Variants in WDR19 observed in about 807,000 individuals in gnomAD.
The protein encoded by WDR19 is WD repeat-containing protein 19.
In WDR19, 121 loss-of-function variants were observed where a neutral mutation model predicts 180.0. That is an observed-to-expected ratio of 0.67 (90% confidence interval 0.58 to 0.78). WDR19 has a LOEUF of 0.78. Ranked by LOEUF, WDR19 falls within the 30% of genes least tolerant of loss-of-function variation. The probability of loss-of-function intolerance (pLI) is 0.00; values close to 1 mark genes in which losing one functional copy is unlikely to be tolerated. For missense variants in WDR19, 1,450 were observed against 1,640.7 expected (o/e 0.88, Z 2.01); for synonymous variants, 497 against 540.7 (o/e 0.92, Z 1.12).
intron 28 of WDR19, 137 bp downstream of exon 28, chr4:39,257,691 G>A: frequency 1.4e-6 from 1 of 735,278 alleles, no homozygotes; most frequent in Non-Finnish European, 2.2e-6. Context: ...TTCAACAGCT[G>A]TCAATACATA....
chr4:39,210,557 C>A (rs1728388352), intron 9 of WDR19, among the ~76,000 whole-genome samples: 1 of 151,764 alleles, frequency 6.6e-6, no homozygotes, highest in African/African-American at 2.4e-5. Context: ...TGCCTGTATT[C>A]CTAGCTACTC....
chr4:39,228,389 C>A, intron 16 of WDR19, 32 bp downstream of exon 16: 1 of 1,602,396 alleles, frequency 6.2e-7, no homozygotes, highest in South Asian at 1.1e-5. Context: ...TATTCGCTGA[C>A]AGATGAATTT....
chr4:39,255,386 G>T (rs1264443879), intron 26 of WDR19, among the ~76,000 whole-genome samples: 1 of 152,032 alleles, frequency 6.6e-6, no homozygotes. Context: ...AACTCCCACG[G>T]GTAAATGTAA....
In WDR19 at chr4:39,278,527, T is replaced by C. The variant is rs1736139062; in HGVS notation, c.3918-12T>C. The C allele has an allele frequency of 6.3e-7, 1 of 1,591,806 alleles. No individual in the cohort carries two copies. The highest frequency in any genetic ancestry group is 8.6e-7 in the Non-Finnish European group (1 of 1,166,360). The stretch of plus-strand genomic sequence containing the variant: ...ATATTTAATTTACTCTGCCTTTCCC[T>C]CCCCTAAACAGCATGCTAAACACTG... On this transcript the variant is annotated splice_polypyrimidine_tract_variant and intron_variant, in intron 35 of 36. Transcript: ENST00000399820.
At chr4:39,200,454 A>G (rs1057188499) in intron 6 of WDR19, among the ~76,000 whole-genome samples, 1 of 152,214 alleles carries the variant, frequency 6.6e-6, no homozygotes, top group Non-Finnish European at 1.5e-5. Context: ...TGAAGGCTCA[A>G]TAGGGAGAAA....
intron 19 of WDR19, 75 bp downstream of exon 19, chr4:39,232,347 G>A (rs915225690): frequency 2.5e-5 from 31 of 1,257,574 alleles, no homozygotes; most frequent in African/African-American, 1.5e-4. Flanking sequence ...AAATGGGGCC[G>A]GGTGCAGCCG....
rs1199361196 is a variant in WDR19 at position 39,252,671 on chromosome 4, A to G, written c.2730-475A>G. 5.9e-5 allele frequency among the ~76,000 whole-genome samples: 9 copies of G among 152,232 alleles called. No homozygotes were observed. The South Asian group carries it at 1.7e-3, about 28-fold the overall frequency. On this transcript the variant is annotated intron_variant, in intron 24 of 36. Transcript: ENST00000399820. The stretch of plus-strand genomic sequence containing the variant: ...GTAACCTTAGGAAATAGAGATATAC[A>G]CTGAATGTCTTGTTGAAATGGAGCT...
At chr4:39,217,897 G>A (rs1729236013) in intron 13 of WDR19, 86 bp from the exon 14 acceptor site, 1 of 1,510,646 alleles carries the variant, frequency 6.6e-7, no homozygotes, top group Non-Finnish European at 8.9e-7. Context: ...ATGTTTAGGT[G>A]AACTTGAGAA....
Position 39,218,023 on chromosome 4 carries a change from C to T in WDR19, c.1397C>T (p.Thr466Ile), listed in dbSNP as rs1210120690. 1.2e-6 allele frequency: 2 copies of T among 1,613,866 alleles called. No individual in the cohort carries two copies. The highest frequency in any genetic ancestry group is 4.5e-5 in the East Asian group (2 of 44,880). ...TTGGATGCTCAAGAAGAACGTGAGA[C>T]TCGGCTTTTCCCAGCAGTGGATGAT... ...EILDAQEERE[T>I]RLFPAVDDKC... The change falls in exon 14 of 37, where the codon ACT becomes ATT. Residue 466 changes from threonine to isoleucine, a missense_variant. Physicochemically the swap from Thr to Ile is moderately conservative, Grantham distance 89. Transcript: ENST00000399820.
At chr4:39,199,719 T>A in intron 6 of WDR19, 126 bp downstream of exon 6, 1 of 652,266 alleles carries the variant, frequency 1.5e-6, no homozygotes, top group Non-Finnish European at 2.5e-6. Flanking sequence ...TGTGTGTGTG[T>A]ATACACAATA....
At chr4:39,256,044 A>G in intron 27 of WDR19, 84 bp downstream of exon 27, 1 of 977,222 alleles carries the variant, frequency 1.0e-6, no homozygotes, top group African/African-American at 1.6e-5. Context: ...TAATTGTAGG[A>G]AATATATGTA....
intron 14 of WDR19, among the ~76,000 whole-genome samples, chr4:39,223,344 G>T (rs1271614689): frequency 6.6e-6 from 1 of 151,984 alleles, no homozygotes; most frequent in African/African-American, 2.4e-5. Flanking sequence ...TTTTGTTTTT[G>T]TTTTGAGATG....
At chr4:39,283,884 T>C (rs968440831) in intron 36 of WDR19, among the ~76,000 whole-genome samples, 4 of 152,210 alleles carry the variant, frequency 2.6e-5, no homozygotes, top group Non-Finnish European at 5.9e-5. Flanking sequence ...TTTTTGAGGA[T>C]ATTTTCGCTT....
chr4:39,247,475 C>T (rs1160051816), intron 24 of WDR19, among the ~76,000 whole-genome samples: 1 of 152,186 alleles, frequency 6.6e-6, no homozygotes, highest in Non-Finnish European at 1.5e-5. Context: ...AACGCAGCTC[C>T]TCACCAGCAA....
intron 4 of WDR19, among the ~76,000 whole-genome samples, chr4:39,190,159 T>C (rs1726000998): frequency 6.6e-6 from 1 of 152,230 alleles, no homozygotes; most frequent in Admixed American, 6.5e-5. Context: ...TAAATCAGAT[T>C]CTCACCCACG....
rs1729030124 is a variant in WDR19 at position 39,215,994 on chromosome 4, T to G, written c.1115T>G (p.Val372Gly). 2 of 1,605,882 alleles carry G rather than the reference T, an allele frequency of 1.2e-6. No individual in the cohort carries two copies. Among genetic ancestry groups the G allele is most frequent in the South Asian group, 2.2e-5 (2 of 89,122 alleles). Reference protein sequence around the residue: ...AYLTSLLEVTVANPVEGELPI... With the variant: ...AYLTSLLEVTGANPVEGELPI... ...CTCACCTCCCTCCTTGAAGTCACCGTAGCCAACCCTGTTGAAGGAGTATGA... is the reference window on the plus strand; with the variant it reads ...CTCACCTCCCTCCTTGAAGTCACCGGAGCCAACCCTGTTGAAGGAGTATGA... The change falls in exon 11 of 37, where the codon GTA (valine) becomes GGA (glycine). Residue 372 changes from valine (V) to glycine (G), a missense_variant. Physicochemically the swap from Val to Gly is moderately radical, Grantham distance 109. Coordinates refer to ENST00000399820, the MANE Select transcript of WDR19 (RefSeq NM_025132.4).
intron 9 of WDR19, among the ~76,000 whole-genome samples, chr4:39,207,027 A>G (rs1728031258): frequency 6.6e-6 from 1 of 152,234 alleles, no homozygotes; most frequent in Admixed American, 6.5e-5. Context: ...GGAAATAACA[A>G]TAAAAAAACA....
At chr4:39,187,565 C>G (rs192356331) in intron 3 of WDR19, among the ~76,000 whole-genome samples, 10 of 152,296 alleles carry the variant, frequency 6.6e-5, no homozygotes, top group African/African-American at 2.2e-4. Flanking sequence ...AACAGCCTTT[C>G]CTACCTCCTG....
At position 39,277,023 on chromosome 4, in the gene WDR19, AC is replaced by A; in HGVS notation, c.3723del (p.Asp1242IlefsTer5). Reference protein sequence around the residue: ...KKKIEGMVRRPDISEIEEATT... With the variant: ...KKKIEGMVRRXDISEIEEATT... ...ATGACATGATTCTTCCTCACAGGAG[AC>A]CCGATATATCTGAGATAGAAGAGGC... On this transcript the variant is annotated frameshift_variant, in exon 34 of 37. Transcript: ENST00000399820. LOFTEE classifies it high-confidence loss of function. 5 of 1,612,752 alleles carry A rather than the reference AC, an allele frequency of 3.1e-6. No individual in the cohort carries two copies. The highest frequency in any genetic ancestry group is 4.2e-6 in the Non-Finnish European group (5 of 1,179,608).
Sources: allele counts gnomAD v4.1 joint callset (sites outside exome capture counted in the v4.1 genomes callset), GRCh38; gene constraint gnomAD v4.1.1; transcripts MANE v1.5; gene names NCBI Gene and HGNC (gene_info 2026-07-23, HGNC 2026-07-21).